ZNF385D: variants seen among roughly 807,000 people sequenced by gnomAD.
ZNF385D encodes zinc finger protein 385D.
In ZNF385D, 15 loss-of-function variants were observed where a neutral mutation model predicts 35.8. The ratio of observed to expected loss-of-function variants is 0.42; its 90% CI spans 0.28 to 0.64. The LOEUF (loss-of-function observed/expected upper bound fraction) is 0.64. ZNF385D is among the 30% of genes least tolerant of loss of function. ZNF385D has a pLI of 0.23. For missense variants in ZNF385D, 474 were observed against 494.6 expected, an observed-to-expected ratio of 0.96 and a Z score of 0.39; for synonymous variants, 212 against 186.8, an observed-to-expected ratio of 1.13 and a Z score of -1.10.
chr3:22,369,689 T>C (rs1696811894), intron 2 of ZNF385D, among the ~76,000 whole-genome samples: 1 of 152,188 alleles, frequency 6.6e-6, no homozygotes, highest in Non-Finnish European at 1.5e-5. Context: ...CATTCATGTA[T>C]GGATAAATGA....
At chr3:22,135,717 C>G (rs77946126) in intron 3 of ZNF385D, among the ~76,000 whole-genome samples, 2 of 151,974 alleles carry the variant, frequency 1.3e-5, no homozygotes, top group African/African-American at 4.8e-5. Context: ...ACCAAATTAC[C>G]CACTGTTAAG....
At chr3:22,307,541 A>T (rs1703297811) in intron 2 of ZNF385D, among the ~76,000 whole-genome samples, 1 of 152,146 alleles carries the variant, frequency 6.6e-6, no homozygotes, top group African/African-American at 2.4e-5. Context: ...TACACATGCC[A>T]TTTCTCCAAC....
At chr3:22,065,579 T>A (rs1048734575) in intron 3 of ZNF385D, among the ~76,000 whole-genome samples, 1 of 152,022 alleles carries the variant, frequency 6.6e-6, no homozygotes, top group Non-Finnish European at 1.5e-5. Flanking sequence ...CAAGAGGAAA[T>A]TGGGCATGGT....
chr3:21,564,706 A>T (rs772725445), intron 2 of ZNF385D, 22 bp from the exon 3 acceptor site: 40 of 1,440,726 alleles, frequency 2.8e-5, no homozygotes, highest in Admixed American at 1.7e-4. Flanking sequence ...AAAAAGAAAT[A>T]CAACAAATAG....
rs76384335 is a variant in ZNF385D, at chr3:21,915,377, T to C, written c.326-250349A>G. 3.0e-3 allele frequency among the ~76,000 whole-genome samples: 454 copies of C among 152,282 alleles called. 3 individuals carry two copies. The highest frequency in any genetic ancestry group is 8.2e-3 in the African/African-American group (341 of 41,564). On this transcript the variant is annotated intron_variant, in intron 3 of 5. Coordinates refer to the ZNF385D transcript ENST00000494108. ...ATTTGCCTGTTCAAGACAATGTAAA[T>C]AGAATTGTAAGCATGAACCATTTAA...
At chr3:22,122,076 C>G (rs1052841224) in intron 3 of ZNF385D, among the ~76,000 whole-genome samples, 2 of 152,098 alleles carry the variant, frequency 1.3e-5, no homozygotes, top group African/African-American at 4.8e-5. Flanking sequence ...GCACAAATAT[C>G]GTCTCAGCCC....
chr3:21,793,876 A>G (rs183543258), intron 3 of ZNF385D, among the ~76,000 whole-genome samples: 402 of 152,292 alleles, frequency 2.6e-3, no homozygotes, highest in Middle Eastern at 0.01. Context: ...GACAAGTCAG[A>G]TTTCTAGACC....
chr3:21,760,632 G>T (rs1194449089), intron 3 of ZNF385D, among the ~76,000 whole-genome samples: 1 of 152,066 alleles, frequency 6.6e-6, no homozygotes, highest in African/African-American at 2.4e-5. Context: ...GAAATAAAAG[G>T]TCATACTTTT....
At chr3:22,121,027 G>T (rs1703064680) in intron 3 of ZNF385D, among the ~76,000 whole-genome samples, 2 of 152,116 alleles carry the variant, frequency 1.3e-5, no homozygotes, top group South Asian at 4.1e-4. Context: ...ATGCAAAGTT[G>T]CTTTATATCT....
At chr3:21,926,139 ATT>A (rs35636661) in intron 3 of ZNF385D, among the ~76,000 whole-genome samples, 1 of 148,352 alleles carries the variant, frequency 6.7e-6, no homozygotes, top group Non-Finnish European at 1.5e-5. Context: ...GCCCTCTCCA[ATT>A]TTTTTTTTTA....
intron 3 of ZNF385D, among the ~76,000 whole-genome samples, chr3:22,056,940 A>C (rs1391413502): frequency 6.6e-6 from 1 of 152,218 alleles, no homozygotes; most frequent in Non-Finnish European, 1.5e-5. Context: ...CATCATTTTC[A>C]CCAAAATTGC....
At chr3:21,709,098 A>C (rs1428985841) in intron 1 of ZNF385D, among the ~76,000 whole-genome samples, 2 of 152,200 alleles carry the variant, frequency 1.3e-5, no homozygotes, top group African/African-American at 4.8e-5. Context: ...TCTTAAAATA[A>C]AATGCACAAA....
chr3:22,223,329 A>G (rs972545872), intron 2 of ZNF385D, among the ~76,000 whole-genome samples: 1 of 152,166 alleles, frequency 6.6e-6, no homozygotes, highest in Non-Finnish European at 1.5e-5. Flanking sequence ...GGCAATTTTC[A>G]TAAGTATAGT....
intron 2 of ZNF385D, among the ~76,000 whole-genome samples, chr3:21,593,844 G>C (rs960487347): frequency 6.6e-6 from 1 of 151,536 alleles, no homozygotes; most frequent in Non-Finnish European, 1.5e-5. Context: ...GGTTCTTGGG[G>C]AGGCAAAAGA....
intron 1 of ZNF385D, among the ~76,000 whole-genome samples, chr3:21,732,737 TG>T (rs1291565081): frequency 6.6e-6 from 1 of 152,242 alleles, no homozygotes; most frequent in African/African-American, 2.4e-5. Context: ...TTAATCAGGT[TG>T]TTTGTTTTCT....
intron 3 of ZNF385D, among the ~76,000 whole-genome samples, chr3:22,030,287 A>ATGTATG (rs1407044673): frequency 4.1e-5 from 4 of 97,414 alleles, no homozygotes; most frequent in African/African-American, 1.9e-4. Context: ...ATATATATAT[A>ATGTATG]TATATATATA....
chr3:21,941,436 T>C (rs1356907525), intron 3 of ZNF385D, among the ~76,000 whole-genome samples: 1 of 151,430 alleles, frequency 6.6e-6, no homozygotes, highest in African/African-American at 2.4e-5. Context: ...CTACCAAGTA[T>C]AGTGATTAAG....
chr3:21,965,638 T>G (rs1339423683), intron 3 of ZNF385D, among the ~76,000 whole-genome samples: 3 of 152,056 alleles, frequency 2.0e-5, no homozygotes, highest in Non-Finnish European at 4.4e-5. Flanking sequence ...ATGGGAGAAA[T>G]AACTAAAAAG....
intron 3 of ZNF385D, among the ~76,000 whole-genome samples, chr3:22,060,655 G>A (rs888935622): frequency 2.6e-5 from 4 of 151,980 alleles, no homozygotes; most frequent in African/African-American, 9.7e-5. Flanking sequence ...TAACAGCCAT[G>A]GAAACTAGTG....
Sources: allele counts gnomAD v4.1 joint callset (sites outside exome capture counted in the v4.1 genomes callset), GRCh38; gene constraint gnomAD v4.1.1; transcripts MANE v1.5; gene names NCBI Gene and HGNC (gene_info 2026-07-23, HGNC 2026-07-21).